Variants in SH3GL2 observed in about 807,000 individuals in gnomAD.
SH3GL2 encodes SH3 domain containing GRB2 like 2, endophilin A1.
In SH3GL2, 24 loss-of-function variants were observed where a neutral mutation model predicts 46.0. That is an observed-to-expected ratio of 0.52 (90% CI 0.38 to 0.73). The LOEUF is 0.73. Among genes scored for constraint, SH3GL2 ranks in the 30% least tolerant of loss-of-function variants. The probability of loss-of-function intolerance (pLI) is 0.00; values close to 1 mark genes in which losing one functional copy is unlikely to be tolerated. For missense variants in SH3GL2, 413 were observed against 424.2 expected (o/e 0.97, Z 0.23); for synonymous variants, 196 against 147.1 (o/e 1.33, Z -2.40).
intron 3 of SH3GL2, among the ~76,000 whole-genome samples, chr9:17,767,304 T>C (rs1048360931): frequency 4.6e-5 from 7 of 152,242 alleles, no homozygotes; most frequent in Non-Finnish European, 1.0e-4. Context: ...TTGTGAAATA[T>C]TGCCTGTGGA....
In SH3GL2 at chr9:17,579,187, G is replaced by T. The variant is rs1251710027; in HGVS notation, c.-56G>T. On this transcript the variant is annotated 5_prime_UTR_variant, in exon 1 of 9. Coordinates refer to ENST00000380607, the MANE Select transcript of SH3GL2 (RefSeq NM_003026.5). ...GCGCGCCGCCCCGCTCGGCCCTCCA[G>T]TCCCCCTCCGCCTCCTCCCTCCCGC... 1.8e-5 allele frequency: 25 copies of T among 1,373,554 alleles called. No individual in the cohort carries two copies. In the African/African-American group the frequency reaches 2.6e-4, roughly 14 times the overall value. 85.1% of individuals were successfully genotyped at this position (1,373,554 alleles called of 1,614,324 possible). A position where few individuals can be genotyped will look rare whatever the true frequency, so the allele number is the denominator to read the frequency against.
intron 1 of SH3GL2, among the ~76,000 whole-genome samples, chr9:17,654,345 G>C (rs1166814704): frequency 6.6e-6 from 1 of 152,116 alleles, no homozygotes; most frequent in East Asian, 1.9e-4. Context: ...TGAATAAATG[G>C]ACTCCTCTAG....
At chr9:17,663,038 A>T (rs1216986466) in intron 1 of SH3GL2, among the ~76,000 whole-genome samples, 2 of 152,212 alleles carry the variant, frequency 1.3e-5, no homozygotes, top group East Asian at 3.8e-4. Context: ...CTTGGGGAAG[A>T]TATATTCTAG....
chr9:17,608,693 C>T (rs1818805180), intron 1 of SH3GL2, among the ~76,000 whole-genome samples: 1 of 152,266 alleles, frequency 6.6e-6, no homozygotes, highest in East Asian at 1.9e-4. Flanking sequence ...CTGTCTGTCT[C>T]TCCTTACATA....
intron 1 of SH3GL2, among the ~76,000 whole-genome samples, chr9:17,658,264 T>G (rs1820137669): frequency 6.6e-6 from 1 of 152,178 alleles, no homozygotes; most frequent in African/African-American, 2.4e-5. Flanking sequence ...GTACCTACTA[T>G]TTCAGATCTG....
chr9:17,599,624 G>C (rs1177772728), intron 1 of SH3GL2, among the ~76,000 whole-genome samples: 1 of 152,200 alleles, frequency 6.6e-6, no homozygotes, highest in Non-Finnish European at 1.5e-5. Flanking sequence ...AGTTTTATGA[G>C]GCAAATGATG....
chr9:17,753,341 C>A (rs994117468), intron 2 of SH3GL2, among the ~76,000 whole-genome samples: 2 of 152,184 alleles, frequency 1.3e-5, no homozygotes, highest in Admixed American at 6.5e-5. Context: ...TATAAGCATT[C>A]CTTTTTCTCC....
At chr9:17,779,288 A>G (rs1303742156) in intron 3 of SH3GL2, among the ~76,000 whole-genome samples, 1 of 152,172 alleles carries the variant, frequency 6.6e-6, no homozygotes. Flanking sequence ...CACCACTAGT[A>G]AAAGCCTTTA....
At chr9:17,650,530 C>A (rs1313130670) in intron 1 of SH3GL2, among the ~76,000 whole-genome samples, 2 of 152,096 alleles carry the variant, frequency 1.3e-5, no homozygotes, top group African/African-American at 4.8e-5. Context: ...TGCCACCACG[C>A]CTGGCTAATT....
intron 1 of SH3GL2, among the ~76,000 whole-genome samples, chr9:17,586,628 C>T (rs554793742): frequency 6.6e-6 from 1 of 152,144 alleles, no homozygotes; most frequent in Admixed American, 6.6e-5. Flanking sequence ...GAAGGGGGAT[C>T]AAAAATGTCC....
intron 1 of SH3GL2, among the ~76,000 whole-genome samples, chr9:17,611,136 C>T (rs1182751741): frequency 6.6e-6 from 1 of 152,028 alleles, no homozygotes; most frequent in African/African-American, 2.4e-5. Context: ...AGACGTCATA[C>T]AATAATAACC....
At chr9:17,653,113 T>C (rs999185617) in intron 1 of SH3GL2, among the ~76,000 whole-genome samples, 1 of 152,222 alleles carries the variant, frequency 6.6e-6, no homozygotes, top group East Asian at 1.9e-4. Context: ...GAAAAGTCTT[T>C]CTTTTGGTAT....
chr9:17,705,123 C>A (rs1386633558), intron 1 of SH3GL2, among the ~76,000 whole-genome samples: 1 of 151,748 alleles, frequency 6.6e-6, no homozygotes, highest in Admixed American at 6.6e-5. Context: ...TACATGTGGC[C>A]AACAAGCATA....
At chr9:17,776,754 G>T (rs12005558) in intron 3 of SH3GL2, among the ~76,000 whole-genome samples, 11 of 151,236 alleles carry the variant, frequency 7.3e-5, no homozygotes, top group African/African-American at 2.4e-4. Flanking sequence ...CTTGCCACAA[G>T]CTGGGAGGAA....
chr9:17,623,995 G>C (rs902246754), intron 1 of SH3GL2, among the ~76,000 whole-genome samples: 1 of 152,020 alleles, frequency 6.6e-6, no homozygotes, highest in East Asian at 1.9e-4. Context: ...TTCTAGTCTG[G>C]GGTCAAATAC....
intron 1 of SH3GL2, among the ~76,000 whole-genome samples, chr9:17,693,635 C>T (rs1023221608): frequency 6.6e-6 from 1 of 152,148 alleles, no homozygotes; most frequent in African/African-American, 2.4e-5. Flanking sequence ...AATCTTTCTA[C>T]ACATAAAACT....
intron 3 of SH3GL2, among the ~76,000 whole-genome samples, chr9:17,773,152 C>G (rs918874678): frequency 5.9e-5 from 9 of 152,236 alleles, no homozygotes; most frequent in Non-Finnish European, 1.2e-4. Flanking sequence ...AATGTCAATT[C>G]AAGCCTTCGC....
intron 1 of SH3GL2, among the ~76,000 whole-genome samples, chr9:17,670,883 T>G (rs528135638): frequency 6.6e-6 from 1 of 152,332 alleles, no homozygotes; most frequent in Non-Finnish European, 1.5e-5. Flanking sequence ...AAAGCACAGA[T>G]TGCTAGGCCT....
chr9:17,761,329 G>C (rs1373601453), intron 2 of SH3GL2, 108 bp from the exon 3 acceptor site: 2 of 733,950 alleles, frequency 2.7e-6, no homozygotes, highest in African/African-American at 3.5e-5. Context: ...TGCGGGACTT[G>C]TCCGGGGCTC....
Sources: gnomAD v4.1 joint callset for allele counts (sites outside exome capture counted in the v4.1 genomes callset) on GRCh38, gnomAD v4.1.1 for gene constraint, MANE v1.5 for transcripts, NCBI Gene and HGNC (gene_info 2026-07-23, HGNC 2026-07-21) for gene names.